The following FAM161A variants were observed in gnomAD, a reference collection of about 807,000 sequenced individuals.
FAM161A encodes protein FAM161A.
In FAM161A, 57 loss-of-function variants were observed where a neutral mutation model predicts 70.9. That is an observed-to-expected ratio of 0.80 (90% CI 0.65 to 1.00). FAM161A has a LOEUF of 1.00. Among genes scored for constraint, FAM161A ranks in the 50% least tolerant of loss-of-function variants. FAM161A has a pLI of 0.00. For missense variants in FAM161A, 880 were observed against 836.0 expected (o/e 1.05, Z -0.65); for synonymous variants, 299 against 295.7 (o/e 1.01, Z -0.12).
intron 1 of FAM161A, among the ~76,000 whole-genome samples, chr2:61,848,323 CTT>C (rs1165709227): frequency 6.6e-6 from 1 of 152,192 alleles, no homozygotes; most frequent in East Asian, 1.9e-4. Context: ...CTAGCTGAAA[CTT>C]TTCAGATAAA....
At chr2:61,813,547 C>CAAAAA in the FAM161A span, among the ~76,000 whole-genome samples, 1 of 55,958 alleles carries the variant, frequency 1.8e-5, no homozygotes, top group Non-Finnish European at 3.3e-5. Context: ...GACTCCACCT[C>CAAAAA]AAAAAAAAAA....
the FAM161A span, among the ~76,000 whole-genome samples, chr2:61,800,256 T>C: frequency 6.6e-6 from 1 of 152,286 alleles, no homozygotes; most frequent in South Asian, 2.1e-4. Context: ...TACTTGGTTT[T>C]ATTGGAGCTG....
At position 61,827,170 on chromosome 2, in the gene FAM161A, TGGC is replaced by T. The variant is rs1255668851; in HGVS notation, c.1937_1939del (p.Gly646_Gln647delinsGlu). On this transcript the variant is annotated inframe_deletion, in exon 6 of 7. Transcript: ENST00000404929. ...GAAGTACTCAAGTACTTTTCCACTT[TGGC>T]CTTTCTTTGAAACAAACTCATCAGA... 2.5e-6 allele frequency: 4 copies of T among 1,613,938 alleles called. No individual in the cohort carries two copies. In the African/African-American group the frequency reaches 5.3e-5, roughly 22 times the overall value.
At chr2:61,847,823 T>C (rs967377584) in intron 1 of FAM161A, among the ~76,000 whole-genome samples, 1 of 152,034 alleles carries the variant, frequency 6.6e-6, no homozygotes, top group African/African-American at 2.4e-5. Flanking sequence ...CTTTGTTTAA[T>C]GTTGTGTCCC....
downstream of FAM161A, among the ~76,000 whole-genome samples, chr2:61,823,562 C>T (rs1672257985): frequency 6.6e-6 from 1 of 151,726 alleles, no homozygotes; most frequent in Non-Finnish European, 1.5e-5. Flanking sequence ...GACAGGGTTT[C>T]ACCATGTTGC....
the FAM161A span, among the ~76,000 whole-genome samples, chr2:61,801,152 C>G: frequency 5.3e-4 from 81 of 152,178 alleles, no homozygotes; most frequent in South Asian, 1.7e-3. Context: ...GGTTGATGCT[C>G]ACGGGAAACA....
rs1467732034 is a variant in FAM161A, at chr2:61,824,870, C to G, written c.*1585G>C. 3 of 417,848 alleles carry G rather than the reference C, an allele frequency of 7.2e-6. No homozygotes were observed. The highest frequency in any genetic ancestry group is 5.9e-5 in the Admixed American group (2 of 34,006). The allele number at this position is 417,848 out of a possible 1,614,324, so 25.9% of individuals were successfully genotyped here. ...ATATTCATCTACACACTCATTCAAA[C>G]CTTTATTAAGTACCTACCATATGTA... is the stretch of plus-strand genomic sequence containing the variant. On this transcript the variant is annotated 3_prime_UTR_variant, in exon 7 of 7. Transcript: ENST00000404929.
At chr2:61,811,126 A>G in the FAM161A span, among the ~76,000 whole-genome samples, 1 of 151,970 alleles carries the variant, frequency 6.6e-6, no homozygotes, top group Admixed American at 6.6e-5. Context: ...CAATATTTCT[A>G]CCTCCTCCAC....
Position 61,838,535 on chromosome 2 carries a change from T to C in FAM161A, c.1751+3A>G. On this transcript the variant is annotated splice_donor_region_variant and intron_variant, in intron 4 of 6. Coordinates refer to ENST00000404929, the MANE Select transcript of FAM161A (RefSeq NM_001201543.2). ...CTGGAGATTCAAGATTTTTTCATGA[T>C]ACCTGAGACATTTTACTCTGGATTT... 1.9e-6 allele frequency: 3 copies of C among 1,600,240 alleles called. No homozygotes were observed. The highest frequency in any genetic ancestry group is 1.7e-6 in the Non-Finnish European group (2 of 1,172,656).
the FAM161A span, among the ~76,000 whole-genome samples, chr2:61,805,017 T>G: frequency 2.0e-5 from 3 of 152,116 alleles, no homozygotes; most frequent in Admixed American, 2.0e-4. Flanking sequence ...TTTCTGAAGT[T>G]CTTTCTGGGG....
intron 2 of FAM161A, 129 bp from the exon 3 acceptor site, chr2:61,840,710 G>A: frequency 1.4e-6 from 1 of 705,696 alleles, no homozygotes; most frequent in Non-Finnish European, 2.4e-6. Flanking sequence ...GAGTGCAGTG[G>A]TGTGATATCG....
chr2:61,804,126 G>C, the FAM161A span, among the ~76,000 whole-genome samples: 1 of 152,140 alleles, frequency 6.6e-6, no homozygotes, highest in East Asian at 1.9e-4. Flanking sequence ...ACCATATAGG[G>C]TAACTTCCTG....
Position 61,839,775 on chromosome 2 carries a change from C to G in FAM161A, c.1229G>C (p.Arg410Thr), listed in dbSNP as rs1385616968. Residue 410 changes from arginine to threonine, a missense_variant, in exon 3 of 7, where the codon AGG (arginine) becomes ACG (threonine). By Grantham distance (71) the Arg-to-Thr change is moderately conservative. Transcript: ENST00000404929. The part of the protein sequence containing the change: ...CRSACGCRNP[R>T]CPEQAVKLKC... ...CAACTTTACAGCCTGTTCAGGACACCTGGGGTTCCTGCATCCACAAGCTGA... is the reference window on the plus strand; with the variant it reads ...CAACTTTACAGCCTGTTCAGGACACGTGGGGTTCCTGCATCCACAAGCTGA... 2 of 1,614,090 alleles carry G rather than the reference C, an allele frequency of 1.2e-6. No individual in the cohort carries two copies. The highest frequency in any genetic ancestry group is 1.7e-6 in the Non-Finnish European group (2 of 1,180,020).
At chr2:61,827,051 G>T in intron 6 of FAM161A, 53 bp downstream of exon 6, 1 of 1,564,082 alleles carries the variant, frequency 6.4e-7, no homozygotes, top group Non-Finnish European at 8.8e-7. Flanking sequence ...GTGCTTTTCT[G>T]CAGGTAATAA....
intron 3 of FAM161A, among the ~76,000 whole-genome samples, 153 bp from the exon 4 acceptor site, chr2:61,838,858 T>TTATC (rs1315438842): frequency 1.2e-5 from 1 of 86,552 alleles, no homozygotes; most frequent in African/African-American, 3.6e-5. Flanking sequence ...CTAGAAATAT[T>TTATC]TATTTATTTA....
chr2:61,849,402 G>A (rs913046490), intron 1 of FAM161A, among the ~76,000 whole-genome samples: 2 of 151,398 alleles, frequency 1.3e-5, no homozygotes, highest in Non-Finnish European at 2.9e-5. Flanking sequence ...CACTATGGGA[G>A]GCCGAGGAGG....
intron 4 of FAM161A, among the ~76,000 whole-genome samples, chr2:61,838,109 A>G (rs1408408754): frequency 2.0e-5 from 3 of 152,226 alleles, no homozygotes; most frequent in Non-Finnish European, 4.4e-5. Context: ...ACATACTACT[A>G]AACATTAACA....
At chr2:61,835,910 T>TA (rs1672750662) in intron 5 of FAM161A, 100 bp downstream of exon 5, 1 of 821,184 alleles carries the variant, frequency 1.2e-6, no homozygotes, top group African/African-American at 1.7e-5. Context: ...TCTCAACAGT[T>TA]ATATAACACA....
At chr2:61,848,276 C>A (rs1348220844) in intron 1 of FAM161A, among the ~76,000 whole-genome samples, 1 of 152,176 alleles carries the variant, frequency 6.6e-6, no homozygotes, top group Non-Finnish European at 1.5e-5. Context: ...TGATTTTGCA[C>A]TGGATCCATT....
Sources: gnomAD v4.1 joint callset for allele counts (sites outside exome capture counted in the v4.1 genomes callset) on GRCh38, gnomAD v4.1.1 for gene constraint, MANE v1.5 for transcripts, NCBI Gene and HGNC (gene_info 2026-07-23, HGNC 2026-07-21) for gene names.